FNIP2: variants seen among roughly 807,000 people sequenced by gnomAD.
FNIP2 encodes the protein folliculin-interacting protein 2.
In FNIP2, 32 loss-of-function variants were observed where a neutral mutation model predicts 108.7. The ratio of observed to expected loss-of-function variants is 0.29; its 90% confidence interval spans 0.22 to 0.40. The LOEUF (loss-of-function observed/expected upper bound fraction) is 0.40. Ranked by LOEUF, FNIP2 falls within the 10% of genes least tolerant of loss-of-function variation. The pLI is 1.00. For missense variants in FNIP2, 1,202 were observed against 1,381.6 expected (o/e 0.87, Z 2.06); for synonymous variants, 480 against 496.7 (o/e 0.97, Z 0.45).
intron 16 of FNIP2, among the ~76,000 whole-genome samples, chr4:158,897,749 G>A (rs1484848326): frequency 1.3e-5 from 2 of 152,140 alleles, no homozygotes; most frequent in Admixed American, 1.3e-4. Flanking sequence ...CCCTTTATCA[G>A]ATGGGAAGAT....
intron 1 of FNIP2, chr4:158,808,450 A>T (rs1292159888): frequency 6.6e-6 from 1 of 152,042 alleles, no homozygotes; most frequent in Non-Finnish European, 1.5e-5. Flanking sequence ...AGAACTTTGT[A>T]CAATGATGAC....
At chr4:158,780,517 A>G (rs1776007142) in intron 1 of FNIP2, among the ~76,000 whole-genome samples, 1 of 152,200 alleles carries the variant, frequency 6.6e-6, no homozygotes, top group Non-Finnish European at 1.5e-5. Flanking sequence ...CTTTGATGAT[A>G]GATATTTTTA....
At chr4:158,892,576 G>C (rs1036045969) in intron 15 of FNIP2, among the ~76,000 whole-genome samples, 2 of 152,128 alleles carry the variant, frequency 1.3e-5, no homozygotes, top group African/African-American at 4.8e-5. Context: ...TAGAGAGGGA[G>C]GGGGAAAGGT....
At chr4:158,891,398 T>C in intron 14 of FNIP2, 48 bp from the exon 15 acceptor site, 1 of 1,525,538 alleles carries the variant, frequency 6.6e-7, no homozygotes, top group Non-Finnish European at 8.9e-7. Flanking sequence ...TTTGACCTTT[T>C]GGACTCACCT....
At chr4:158,898,727 A>C (rs1782920364) in intron 16 of FNIP2, among the ~76,000 whole-genome samples, 1 of 152,092 alleles carries the variant, frequency 6.6e-6, no homozygotes, top group Non-Finnish European at 1.5e-5. Flanking sequence ...GCTTAAGGAG[A>C]TTTTGGGCTG....
chr4:158,837,216 C>T (rs1376656049), intron 7 of FNIP2, among the ~76,000 whole-genome samples: 1 of 152,154 alleles, frequency 6.6e-6, no homozygotes, highest in Non-Finnish European at 1.5e-5. Context: ...GAACCAAGAT[C>T]ACTCTTAGTC....
In FNIP2 at chr4:158,812,370, C is replaced by T. The variant is rs1010661238; in HGVS notation, c.108-13546C>T. Among the ~76,000 whole-genome samples the T allele has an allele frequency of 9.2e-5, 14 of 152,004 alleles. No individual in the cohort carries two copies. In the South Asian group the frequency reaches 2.3e-3, roughly 25 times the overall value. On this transcript the variant is annotated intron_variant, in intron 1 of 16. Coordinates refer to ENST00000264433, the MANE Select transcript of FNIP2 (RefSeq NM_020840.3). Reference sequence around the variant, plus strand: ...CCGGGTAGATAGAACAAGGAGGAGACGGCCTGTAATTCTGCTGAACAGGGA... The same window carrying T: ...CCGGGTAGATAGAACAAGGAGGAGATGGCCTGTAATTCTGCTGAACAGGGA...
chr4:158,826,437 G>C (rs1323423562), intron 2 of FNIP2, among the ~76,000 whole-genome samples: 1 of 152,198 alleles, frequency 6.6e-6, no homozygotes, highest in East Asian at 1.9e-4. Flanking sequence ...TCTGTCCAGT[G>C]TTTCTCATGG....
intron 7 of FNIP2, among the ~76,000 whole-genome samples, chr4:158,848,060 A>G (rs1244987562): frequency 1.3e-5 from 2 of 152,316 alleles, no homozygotes; most frequent in Admixed American, 6.5e-5. Flanking sequence ...ACCAGGGGGA[A>G]CTTGCCACCT....
At chr4:158,853,573 G>A (rs1221336214) in intron 8 of FNIP2, among the ~76,000 whole-genome samples, 2 of 152,122 alleles carry the variant, frequency 1.3e-5, no homozygotes. Flanking sequence ...TCCCCACCCT[G>A]TGTCCAAGTG....
chr4:158,871,532 A>G (rs2126713070), intron 14 of FNIP2: 1 of 985,362 alleles, frequency 1.0e-6, no homozygotes, highest in East Asian at 1.1e-4. Context: ...AGTGGGAAAA[A>G]AACTCAGTAG....
chr4:158,829,613 A>G (rs1157631331), intron 3 of FNIP2, among the ~76,000 whole-genome samples: 1 of 152,192 alleles, frequency 6.6e-6, no homozygotes, highest in Non-Finnish European at 1.5e-5. Flanking sequence ...TACCAGTAAA[A>G]GGAAGAAAGC....
chr4:158,791,721 G>A (rs1776425629), intron 1 of FNIP2, among the ~76,000 whole-genome samples: 1 of 152,186 alleles, frequency 6.6e-6, no homozygotes, highest in South Asian at 2.1e-4. Flanking sequence ...TCCCTGCCCA[G>A]ACGGTCTGAT....
chr4:158,882,623 T>C (rs952073202), intron 14 of FNIP2, among the ~76,000 whole-genome samples: 1 of 152,352 alleles, frequency 6.6e-6, no homozygotes, highest in East Asian at 1.9e-4. Flanking sequence ...AAGAAGTAGA[T>C]ATAGGAGACT....
chr4:158,835,364 G>T, intron 6 of FNIP2, 41 bp from the exon 7 acceptor site: 1 of 1,580,588 alleles, frequency 6.3e-7, no homozygotes, highest in Non-Finnish European at 8.7e-7. Flanking sequence ...CTTTATCTCT[G>T]AAGAGCCCAA....
chr4:158,869,177 A>G lies in FNIP2; in HGVS notation c.2541A>G (p.Gly847=). ...TRGLYVKAAE[G]PVLEPVAPRC... Reference sequence around the variant, plus strand: ...GTTTGTATGTGAAGGCTGCGGAAGGACCTGTGCTGGAGCCTGTTGCCCCCA... The same window carrying G: ...GTTTGTATGTGAAGGCTGCGGAAGGGCCTGTGCTGGAGCCTGTTGCCCCCA... The change falls in exon 13 of 17, where the codon GGA becomes GGG. Residue 847 remains glycine, a synonymous_variant. Coordinates refer to ENST00000264433, the MANE Select transcript of FNIP2 (RefSeq NM_020840.3). 3 of 1,613,952 alleles carry G rather than the reference A, an allele frequency of 1.9e-6. No homozygotes were observed. Among genetic ancestry groups the G allele is most frequent in the Non-Finnish European group, 1.7e-6 (2 of 1,179,864 alleles).
chr4:158,796,533 C>T (rs899705168), intron 1 of FNIP2, among the ~76,000 whole-genome samples: 1 of 151,998 alleles, frequency 6.6e-6, no homozygotes, highest in African/African-American at 2.4e-5. Flanking sequence ...CCTTCTTGGG[C>T]AAAATCATTA....
chr4:158,797,499 A>C lies in FNIP2; in HGVS notation c.107+28180A>C, dbSNP rs533849025. Among the ~76,000 whole-genome samples, 687 of 152,274 alleles carry C rather than the reference A, an allele frequency of 4.5e-3. 7 individuals carry two copies. The highest frequency in any genetic ancestry group is 0.016 in the African/African-American group (649 of 41,566). On this transcript the variant is annotated intron_variant, in intron 1 of 16. Transcript: ENST00000264433. ...CAGATTGCTTGAGCCCAGGAGTTTGAGACTAGCCTGGGCAACATGGTGAGA... is the reference window on the plus strand; with the variant it reads ...CAGATTGCTTGAGCCCAGGAGTTTGCGACTAGCCTGGGCAACATGGTGAGA...
intron 1 of FNIP2, among the ~76,000 whole-genome samples, chr4:158,792,236 A>G (rs575824184): frequency 3.3e-4 from 51 of 152,356 alleles, no homozygotes; most frequent in Admixed American, 2.0e-3. Flanking sequence ...ATGGTCACTC[A>G]TGGACATATG....
Sources: allele counts gnomAD v4.1 joint callset (sites outside exome capture counted in the v4.1 genomes callset), GRCh38; gene constraint gnomAD v4.1.1; transcripts MANE v1.5; gene names NCBI Gene and HGNC (gene_info 2026-07-23, HGNC 2026-07-21).